Variants in VPS35L observed in about 807,000 individuals in gnomAD.
VPS35L encodes the protein VPS35 endosomal protein-sorting factor-like.
A neutral mutation model predicts 133.0 loss-of-function variants in VPS35L; 83 were observed. The ratio of observed to expected loss-of-function variants is 0.62; its 90% CI spans 0.52 to 0.75. VPS35L has a LOEUF of 0.75. VPS35L is among the 30% of genes least tolerant of loss of function. The pLI is 0.00. For missense variants in VPS35L, 1,083 were observed against 1,206.8 expected, an observed-to-expected ratio of 0.90 and a Z score of 1.52; for synonymous variants, 423 against 449.9, an observed-to-expected ratio of 0.94 and a Z score of 0.76.
At chr16:19,624,107 CTTTTTTTT>C (rs1182015325) in intron 14 of VPS35L, among the ~76,000 whole-genome samples, 6,845 of 65,658 alleles carry the variant, frequency 0.1, 283 homozygotes, top group East Asian at 0.28. Flanking sequence ...CCTACCAGGT[CTTTTTTTT>C]TTTTTTTTTT....
chr16:19,698,475 C>T (rs1975994222), intron 29 of VPS35L, among the ~76,000 whole-genome samples: 2 of 152,310 alleles, frequency 1.3e-5, no homozygotes, highest in Admixed American at 6.5e-5. Flanking sequence ...ACCTTAATTC[C>T]ATCTGCAGTC....
chr16:19,576,671 C>T (rs1971549455), intron 5 of VPS35L, among the ~76,000 whole-genome samples: 1 of 152,086 alleles, frequency 6.6e-6, no homozygotes, highest in African/African-American at 2.4e-5. Flanking sequence ...CTCCCCACGG[C>T]TCTGCTGGAT....
intron 27 of VPS35L, among the ~76,000 whole-genome samples, chr16:19,674,172 T>G (rs78071524): frequency 2.2e-5 from 3 of 138,070 alleles, no homozygotes; most frequent in Non-Finnish European, 4.5e-5. Context: ...CTGGTTCAGT[T>G]TTTTTCTTTT....
chr16:19,672,828 A>G (rs1012154463), intron 27 of VPS35L, among the ~76,000 whole-genome samples: 1 of 152,214 alleles, frequency 6.6e-6, no homozygotes, highest in Non-Finnish European at 1.5e-5. Flanking sequence ...CAGGGTTTTG[A>G]ATTAAGCAGT....
intron 18 of VPS35L, among the ~76,000 whole-genome samples, chr16:19,632,358 A>C (rs1973483569): frequency 6.6e-6 from 1 of 152,170 alleles, no homozygotes; most frequent in African/African-American, 2.4e-5. Context: ...AATCTGGTTG[A>C]AAATAAGGCT....
chr16:19,556,523 G>C (rs1243979944), intron 1 of VPS35L, among the ~76,000 whole-genome samples: 1 of 152,218 alleles, frequency 6.6e-6, no homozygotes, highest in Non-Finnish European at 1.5e-5. Flanking sequence ...TGTGAGTGAA[G>C]AACTTGAGGA....
intron 9 of VPS35L, among the ~76,000 whole-genome samples, chr16:19,604,974 AT>A (rs1286810759): frequency 6.6e-6 from 1 of 152,190 alleles, no homozygotes; most frequent in Non-Finnish European, 1.5e-5. Flanking sequence ...GGGAGAGATA[AT>A]TTGGGTTTAT....
In VPS35L at chr16:19,669,275, C is replaced by T. The variant is rs912534064; in HGVS notation, c.2337C>T (p.Phe779=). 1 of 1,612,332 alleles carries T rather than the reference C, an allele frequency of 6.2e-7. No individual in the cohort carries two copies. Among genetic ancestry groups the T allele is most frequent in the Non-Finnish European group, 8.5e-7 (1 of 1,178,798 alleles). ...ESFLLEFLCN[F]FSTLLIVPDH... Reference sequence around the variant, plus strand: ...TCCTTCTGGAATTCCTCTGCAATTTCTTTTCTACTTTATTAATAGTTCCGG... The same window carrying T: ...TCCTTCTGGAATTCCTCTGCAATTTTTTTTCTACTTTATTAATAGTTCCGG... Residue 779 remains phenylalanine, a synonymous_variant, in exon 27 of 31, where the codon TTC becomes TTT. Coordinates refer to ENST00000417362, the MANE Select transcript of VPS35L (RefSeq NM_020314.7).
intron 18 of VPS35L, among the ~76,000 whole-genome samples, chr16:19,630,487 C>T (rs550609595): frequency 3.2e-4 from 48 of 152,086 alleles, no homozygotes; most frequent in African/African-American, 9.2e-4. Context: ...GCGCCTGCCA[C>T]CACGCCTGGC....
At chr16:19,670,997 G>A (rs888318587) in intron 27 of VPS35L, among the ~76,000 whole-genome samples, 5 of 152,188 alleles carry the variant, frequency 3.3e-5, no homozygotes, top group African/African-American at 1.2e-4. Context: ...GATTGTGTAT[G>A]TTCTTCTTCC....
intron 14 of VPS35L, among the ~76,000 whole-genome samples, chr16:19,619,353 A>G (rs535728734): frequency 2.6e-5 from 4 of 152,308 alleles, no homozygotes; most frequent in African/African-American, 9.6e-5. Context: ...TAGTCTTACC[A>G]TTAAGTAAAT....
chr16:19,616,639 T>C, intron 13 of VPS35L, 47 bp from the exon 14 acceptor site: 3 of 1,596,078 alleles, frequency 1.9e-6, no homozygotes, highest in Non-Finnish European at 1.7e-6. Flanking sequence ...TTGTTTGTTG[T>C]TTGGTTTTTC....
chr16:19,559,864 T>G (rs1970972005), intron 1 of VPS35L, among the ~76,000 whole-genome samples: 1 of 152,130 alleles, frequency 6.6e-6, no homozygotes, highest in East Asian at 1.9e-4. Context: ...TTTTTTTGTG[T>G]TTCTAGTAGA....
intron 26 of VPS35L, among the ~76,000 whole-genome samples, chr16:19,652,914 A>T (rs1974180241): frequency 6.6e-6 from 1 of 152,172 alleles, no homozygotes; most frequent in Non-Finnish European, 1.5e-5. Flanking sequence ...GATGCTCAGG[A>T]TCATTTATTT....
intron 7 of VPS35L, among the ~76,000 whole-genome samples, chr16:19,583,294 C>T (rs985684642): frequency 2.0e-5 from 3 of 152,054 alleles, no homozygotes; most frequent in African/African-American, 7.3e-5. Context: ...CTGTTTTCTG[C>T]CTTTATAAAT....
At position 19,699,262 on chromosome 16, in the gene VPS35L, GCA is replaced by G. The variant is rs1412961024; in HGVS notation, c.2647-237_2647-236del. 1.5e-5 allele frequency: 7 copies of G among 457,548 alleles called. No homozygotes were observed. Among genetic ancestry groups the G allele is most frequent in the African/African-American group, 9.8e-5 (5 of 51,094 alleles). The allele number at this position is 457,548 out of a possible 1,614,324, so 28.3% of individuals were successfully genotyped here. ...TTTCATGAGTAATGACCATCTGTGG[GCA>G]CAGAGCTTCGTCATCTTACTGAATC... On this transcript the variant is annotated intron_variant, in intron 29 of 30. Transcript: ENST00000417362. This position sits in a 1 kb window ranked among gnomAD's most constrained non-coding sequence, Gnocchi z 4.2.
intron 29 of VPS35L, among the ~76,000 whole-genome samples, chr16:19,695,206 A>G (rs1975863849): frequency 6.6e-6 from 1 of 152,190 alleles, no homozygotes; most frequent in African/African-American, 2.4e-5. Context: ...CCCACAGAAC[A>G]CTTGACATGT....
In VPS35L at chr16:19,644,935, G is replaced by A; in HGVS notation, c.1915G>A (p.Gly639Arg). ...EKRMLSYLIN[G>R]FIKMVSFGRD... ...AAGAATGCTGTCATATTTGATTAAT[G>A]GATTTATAAAAATGGTAAGTATTAG... The change falls in exon 23 of 31, where the codon GGA (glycine) becomes AGA (arginine). Residue 639 changes from glycine to arginine, a missense_variant. Transcript: ENST00000417362. 6.3e-7 allele frequency: 1 copy of A among 1,597,868 alleles called. No homozygotes were observed. Among genetic ancestry groups the A allele is most frequent in the South Asian group, 1.1e-5 (1 of 90,012 alleles).
chr16:19,649,629 G>T (rs769904482), intron 24 of VPS35L, among the ~76,000 whole-genome samples: 2 of 152,160 alleles, frequency 1.3e-5, no homozygotes, highest in Non-Finnish European at 2.9e-5. Context: ...TGGCGCCCCT[G>T]TGAGTTTGCT....
Sources: gnomAD v4.1 joint callset for allele counts (sites outside exome capture counted in the v4.1 genomes callset) on GRCh38, gnomAD v4.1.1 for gene constraint, Gnocchi (gnomAD v3.1) non-coding constraint, MANE v1.5 for transcripts, NCBI Gene and HGNC (gene_info 2026-07-23, HGNC 2026-07-21) for gene names.